Variants in LIMS1 observed in about 807,000 individuals in gnomAD.
LIMS1 encodes LIM zinc finger domain containing 1.
Under a neutral mutation model 44.1 loss-of-function variants are expected in LIMS1, and 18 were observed. The observed-to-expected ratio is 0.41, with a 90% confidence interval of 0.28 to 0.61. LIMS1 has a LOEUF of 0.61. LIMS1 is among the 20% of genes least tolerant of loss of function. The pLI, the probability that LIMS1 is intolerant of heterozygous loss-of-function variation, is 0.32. For missense variants in LIMS1, 201 were observed against 422.0 expected (o/e 0.48, Z 4.59); for synonymous variants, 93 against 149.1 (o/e 0.62, Z 2.74).
chr2:108,629,277 G>A (rs1314911626), intron 1 of LIMS1, among the ~76,000 whole-genome samples: 1 of 152,208 alleles, frequency 6.6e-6, no homozygotes, highest in African/African-American at 2.4e-5. Flanking sequence ...ACCATGTTCG[G>A]ATGGAAAGAA....
At chr2:108,678,305 T>C in intron 8 of LIMS1, 1 of 554,522 alleles carries the variant, frequency 1.8e-6, no homozygotes, top group Non-Finnish European at 3.1e-6. Context: ...AAGACCTGTT[T>C]GTGTCCAGTT....
intron 1 of LIMS1, among the ~76,000 whole-genome samples, chr2:108,577,983 C>G (rs1185868475): frequency 1.3e-5 from 2 of 152,192 alleles, no homozygotes; most frequent in African/African-American, 4.8e-5. Flanking sequence ...AGTCTCGGCT[C>G]ACTGCAACCT....
chr2:108,654,028 CTT>C (rs1452898930), intron 1 of LIMS1, among the ~76,000 whole-genome samples: 11 of 118,314 alleles, frequency 9.3e-5, no homozygotes, highest in Non-Finnish European at 1.7e-4. Context: ...AAAGGGATGA[CTT>C]TGAGTTTGTG....
chr2:108,598,245 A>G (rs1004919914), intron 1 of LIMS1, among the ~76,000 whole-genome samples: 73 of 152,152 alleles, frequency 4.8e-4, no homozygotes, highest in Non-Finnish European at 9.4e-4. Flanking sequence ...GTTTGCCAGT[A>G]TATCATCAGT....
At chr2:108,657,517 G>A (rs1247586179) in intron 1 of LIMS1, among the ~76,000 whole-genome samples, 51 of 152,284 alleles carry the variant, frequency 3.3e-4, no homozygotes, top group African/African-American at 1.2e-3. Flanking sequence ...AATACCTGTG[G>A]ACTTTGGTCA....
rs538624163 is a variant in LIMS1 at position 108,587,818 on chromosome 2, C to T, written c.32+53224C>T. On this transcript the variant is annotated intron_variant, in intron 1 of 9. Coordinates refer to ENST00000544547, the Ensembl canonical transcript of LIMS1. ...CACCACTGGCCTTGCTGCTTCTGCA[C>T]TGTGTCTGTCAGGGATATCTGGGAC... Among the ~76,000 whole-genome samples the T allele has an allele frequency of 1.4e-4, 22 of 152,344 alleles. No individual in the cohort carries two copies. The East Asian group carries it at 4.1e-3, about 28-fold the overall frequency.
intron 1 of LIMS1, among the ~76,000 whole-genome samples, chr2:108,596,139 T>C (rs1435102258): frequency 6.6e-6 from 1 of 152,262 alleles, no homozygotes; most frequent in African/African-American, 2.4e-5. Context: ...CATGTGTCCC[T>C]GTAGCCATTC....
chr2:108,677,892 A>G lies in LIMS1; in HGVS notation c.775-87A>G, dbSNP rs1049596305. On this transcript the variant is annotated intron_variant, in intron 7 of 9. Coordinates refer to ENST00000544547, the Ensembl canonical transcript of LIMS1. Reference sequence around the variant, plus strand: ...ATTTCTCTAGTAGTGATAAATCCTCAATTTAGATAGCCAGCTATTTTTAAA... The same window carrying G: ...ATTTCTCTAGTAGTGATAAATCCTCGATTTAGATAGCCAGCTATTTTTAAA... The G allele has an allele frequency of 3.9e-6, 6 of 1,529,056 alleles. No homozygotes were observed. In the African/African-American group the frequency reaches 8.4e-5, roughly 21 times the overall value. The allele number at this position is 1,529,056 out of a possible 1,614,324, so 94.7% of individuals were successfully genotyped here.
intron 1 of LIMS1, among the ~76,000 whole-genome samples, chr2:108,607,867 G>T (rs189053049): frequency 1.2e-3 from 180 of 152,236 alleles, no homozygotes; most frequent in African/African-American, 3.9e-3. Context: ...CAGAGTTAAT[G>T]CCCCTTTTGT....
chr2:108,684,583 A>G (rs1260250901), exon 10 of LIMS1: 1 of 152,124 alleles, frequency 6.6e-6, no homozygotes, highest in Non-Finnish European at 1.5e-5. Context: ...AATAATTATT[A>G]TGCTTAGTTT....
chr2:108,672,119 A>G (rs1430652649), intron 3 of LIMS1, among the ~76,000 whole-genome samples: 1 of 143,228 alleles, frequency 7.0e-6, no homozygotes, highest in African/African-American at 2.6e-5. Flanking sequence ...GTGAGTCGAG[A>G]TGGTGCCATT....
At chr2:108,621,043 A>G (rs1688205644) in intron 1 of LIMS1, among the ~76,000 whole-genome samples, 1 of 152,190 alleles carries the variant, frequency 6.6e-6, no homozygotes, top group Non-Finnish European at 1.5e-5. Flanking sequence ...TTTTAAAGGA[A>G]TTGGTGTGAT....
chr2:108,685,912 C>T (rs187735276), exon 10 of LIMS1: 4 of 152,246 alleles, frequency 2.6e-5, no homozygotes, highest in East Asian at 3.9e-4. Flanking sequence ...ATATATTCTT[C>T]GTCACTTTGA....
chr2:108,636,511 G>C (rs1470896891), intron 1 of LIMS1, among the ~76,000 whole-genome samples: 1 of 152,200 alleles, frequency 6.6e-6, no homozygotes, highest in Non-Finnish European at 1.5e-5. Flanking sequence ...CTCCTGCAGT[G>C]TCTCTCCAGC....
chr2:108,673,078 T>C, intron 5 of LIMS1, 49 bp downstream of exon 5: 1 of 1,175,334 alleles, frequency 8.5e-7, no homozygotes, highest in South Asian at 1.5e-5. Flanking sequence ...GAATGAAAGA[T>C]TACATTTATC....
At chr2:108,669,313 C>T (rs1252463314) in intron 2 of LIMS1, among the ~76,000 whole-genome samples, 1 of 151,934 alleles carries the variant, frequency 6.6e-6, no homozygotes, top group African/African-American at 2.4e-5. Context: ...GAGGCTGAGG[C>T]AGGAGAATCG....
chr2:108,545,138 T>G (rs113531164), intron 1 of LIMS1, among the ~76,000 whole-genome samples: 26 of 152,354 alleles, frequency 1.7e-4, no homozygotes, highest in African/African-American at 5.0e-4. Context: ...CATCTTTTTC[T>G]TTTCTCTTGT....
chr2:108,628,729 C>CG (rs1456036790), intron 1 of LIMS1, among the ~76,000 whole-genome samples: 2 of 152,170 alleles, frequency 1.3e-5, no homozygotes, highest in African/African-American at 2.4e-5. Context: ...GCTCCCAAAT[C>CG]GCTGGGATTA....
At chr2:108,684,240 A>G (rs913317441) in exon 10 of LIMS1, 3 of 207,330 alleles carry the variant, frequency 1.4e-5, no homozygotes, top group Admixed American at 1.2e-4. Context: ...CTGTTTACAA[A>G]AAAAAAACAC....
Sources: allele counts gnomAD v4.1 joint callset (sites outside exome capture counted in the v4.1 genomes callset), GRCh38; gene constraint gnomAD v4.1.1; transcripts MANE v1.5; gene names NCBI Gene and HGNC (gene_info 2026-07-23, HGNC 2026-07-21).